Variants in VPS13D observed in about 807,000 individuals in gnomAD.
The protein encoded by VPS13D is intermembrane lipid transfer protein VPS13D.
A neutral mutation model predicts 461.9 loss-of-function variants in VPS13D; 187 were observed. The ratio of observed to expected loss-of-function variants is 0.40; its 90% CI spans 0.36 to 0.46. The LOEUF is 0.46. VPS13D is among the 20% of genes least tolerant of loss of function. The pLI is 0.60. For missense variants in VPS13D, 4,711 were observed against 5,364.9 expected, an observed-to-expected ratio of 0.88 and a Z score of 3.81; for synonymous variants, 1,951 against 1,986.3, an observed-to-expected ratio of 0.98 and a Z score of 0.47.
intron 41 of VPS13D, 87 bp downstream of exon 41, chr1:12,341,972 T>C: frequency 8.6e-7 from 1 of 1,166,224 alleles, no homozygotes; most frequent in Non-Finnish European, 1.3e-6. Flanking sequence ...GGGCCCCCTC[T>C]TGAGGCTCTT....
chr1:12,291,529 G>T (rs1642131922), intron 23 of VPS13D, among the ~76,000 whole-genome samples: 1 of 152,150 alleles, frequency 6.6e-6, no homozygotes, highest in Non-Finnish European at 1.5e-5. Context: ...AGGCTGAGGT[G>T]GGAGGATCCC....
At chr1:12,401,032 A>G (rs1644573027) in intron 61 of VPS13D, among the ~76,000 whole-genome samples, 1 of 151,760 alleles carries the variant, frequency 6.6e-6, no homozygotes, top group East Asian at 1.9e-4. Flanking sequence ...GGAAAGGGCT[A>G]TGATGGGTCT....
At chr1:12,404,444 A>G (rs1325829793) in intron 63 of VPS13D, among the ~76,000 whole-genome samples, 2 of 152,154 alleles carry the variant, frequency 1.3e-5, no homozygotes, top group African/African-American at 2.4e-5. Flanking sequence ...AGGATTGTCT[A>G]CTAGGAGTGT....
chr1:12,261,831 C>G, intron 12 of VPS13D, 70 bp from the exon 13 acceptor site: 1 of 1,300,856 alleles, frequency 7.7e-7, no homozygotes, highest in African/African-American at 1.5e-5. Flanking sequence ...TAACTGTGAT[C>G]AGTCTGCTTG....
intron 65 of VPS13D, among the ~76,000 whole-genome samples, chr1:12,423,829 TTTG>T (rs1644891849): frequency 6.6e-6 from 1 of 152,224 alleles, no homozygotes; most frequent in African/African-American, 2.4e-5. Flanking sequence ...AACAGCATTT[TTTG>T]TTGTTGTTTA....
chr1:12,508,259 C>T (rs1033978704), intron 69 of VPS13D, among the ~76,000 whole-genome samples: 25 of 152,216 alleles, frequency 1.6e-4, no homozygotes, highest in Admixed American at 7.2e-4. Flanking sequence ...CTTTTGTTCG[C>T]TGATTCTTCT....
intron 24 of VPS13D, among the ~76,000 whole-genome samples, chr1:12,294,218 A>C (rs950293618): frequency 1.3e-5 from 2 of 152,234 alleles, no homozygotes; most frequent in African/African-American, 4.8e-5. Flanking sequence ...ACATAAATGG[A>C]AAGAATAATA....
intron 63 of VPS13D, among the ~76,000 whole-genome samples, chr1:12,410,648 A>T (rs1169439340): frequency 6.6e-6 from 1 of 152,166 alleles, no homozygotes; most frequent in Non-Finnish European, 1.5e-5. Context: ...GAAAACTATA[A>T]TTTTTTTAAA....
intron 63 of VPS13D, among the ~76,000 whole-genome samples, chr1:12,410,826 G>C (rs777122452): frequency 6.6e-6 from 1 of 152,124 alleles, no homozygotes; most frequent in Non-Finnish European, 1.5e-5. Flanking sequence ...CACATTTGCA[G>C]ATAAATTTGG....
chr1:12,497,729 C>T, intron 68 of VPS13D, 98 bp downstream of exon 68: 1 of 1,408,778 alleles, frequency 7.1e-7, no homozygotes, highest in Non-Finnish European at 9.5e-7. Context: ...ATTTTCATGA[C>T]TCTTGGACCT....
chr1:12,331,711 T>TAAAAAAAA (rs757913489), intron 37 of VPS13D, among the ~76,000 whole-genome samples: 1 of 106,220 alleles, frequency 9.4e-6, no homozygotes, highest in African/African-American at 3.6e-5. Context: ...GACTCTGTCT[T>TAAAAAAAA]AAAAAAAAAA....
At chr1:12,239,232 G>A (rs539021406) in intron 2 of VPS13D, among the ~76,000 whole-genome samples, 72 of 152,028 alleles carry the variant, frequency 4.7e-4, no homozygotes, top group Non-Finnish European at 9.6e-4. Context: ...ACCTCTCTGG[G>A]CTCAAGTAAT....
At position 12,261,931 on chromosome 1, in the gene VPS13D, A is replaced by G. The variant is rs761503920; in HGVS notation, c.1445A>G (p.Asp482Gly). ...GAGGAGTTTTTTGACCCCACTGCAG[A>G]TGCCTCGTGTATGAACACGTATACA... is the stretch of plus-strand genomic sequence containing the variant. ...GTEEFFDPTA[D>G]ASCMNTYTKR... is the part of the protein sequence containing the mutation. The change falls in exon 13 of 70, where the codon GAT (aspartate) becomes GGT (glycine). Residue 482 changes from aspartate to glycine, a missense_variant. By Grantham distance (94) the Asp-to-Gly change is moderately conservative (BLOSUM62 -1). Transcript: ENST00000620676. The G allele has an allele frequency of 3.1e-6, 5 of 1,613,150 alleles. No homozygotes were observed. Among genetic ancestry groups the G allele is most frequent in the Non-Finnish European group, 4.2e-6 (5 of 1,179,410 alleles).
chr1:12,440,645 G>T (rs1024790009), intron 65 of VPS13D, among the ~76,000 whole-genome samples: 1 of 152,194 alleles, frequency 6.6e-6, no homozygotes, highest in Non-Finnish European at 1.5e-5. Context: ...TGGGGCTGAG[G>T]TGGGTGGATC....
At chr1:12,492,210 G>C (rs1183762610) in intron 67 of VPS13D, among the ~76,000 whole-genome samples, 1 of 152,224 alleles carries the variant, frequency 6.6e-6, no homozygotes, top group African/African-American at 2.4e-5. Flanking sequence ...TGCTGCTGTA[G>C]CACCAATGGC....
intron 8 of VPS13D, among the ~76,000 whole-genome samples, chr1:12,256,783 CAA>C (rs1335903169): frequency 6.8e-6 from 1 of 146,514 alleles, no homozygotes; most frequent in South Asian, 2.3e-4. Context: ...ACAAAAAATA[CAA>C]GAGATACGGC....
intron 65 of VPS13D, among the ~76,000 whole-genome samples, chr1:12,432,267 C>T (rs1001905273): frequency 7.9e-5 from 12 of 152,032 alleles, no homozygotes; most frequent in African/African-American, 2.7e-4. Context: ...GTGGTGCATG[C>T]CTGTAATTCC....
At chr1:12,385,409 C>A in intron 59 of VPS13D, 36 bp downstream of exon 59, 1 of 1,542,628 alleles carries the variant, frequency 6.5e-7, no homozygotes, top group South Asian at 1.2e-5. Context: ...TTTATTTGAT[C>A]ATCAGTTTTT....
At chr1:12,254,498 TA>T (rs1009792691) in intron 7 of VPS13D, among the ~76,000 whole-genome samples, 2 of 145,482 alleles carry the variant, frequency 1.4e-5, no homozygotes, top group Non-Finnish European at 3.0e-5. Context: ...TGTGAAGGAT[TA>T]AAAAAATCTC....
Sources: gnomAD v4.1 joint callset for allele counts (sites outside exome capture counted in the v4.1 genomes callset) on GRCh38, gnomAD v4.1.1 for gene constraint, MANE v1.5 for transcripts, NCBI Gene and HGNC (gene_info 2026-07-23, HGNC 2026-07-21) for gene names.